Variants in ACOT7 observed in about 807,000 individuals in gnomAD.
The protein encoded by ACOT7 is cytosolic acyl coenzyme A thioester hydrolase.
A neutral mutation model predicts 40.2 loss-of-function variants in ACOT7; 12 were observed. The observed-to-expected ratio is 0.30, with a 90% confidence interval of 0.19 to 0.48. The LOEUF is 0.48. Among genes scored for constraint, ACOT7 ranks in the 20% least tolerant of loss-of-function variants. ACOT7 has a pLI of 0.99. For missense variants in ACOT7, 395 were observed against 530.8 expected, an observed-to-expected ratio of 0.74 and a Z score of 2.51; for synonymous variants, 228 against 219.5, an observed-to-expected ratio of 1.04 and a Z score of -0.34.
intron 2 of ACOT7, among the ~76,000 whole-genome samples, chr1:6,347,398 C>A (rs1298655204): frequency 6.6e-6 from 1 of 152,134 alleles, no homozygotes; most frequent in South Asian, 2.1e-4. Context: ...CATCTGCCTC[C>A]CCAGGTGGCC....
intron 8 of ACOT7, 47 bp downstream of exon 8, chr1:6,281,055 G>A: frequency 6.3e-7 from 1 of 1,589,522 alleles, no homozygotes; most frequent in African/African-American, 1.3e-5. Context: ...AGGGACCCTA[G>A]GGCTGCCTGG....
chr1:6,307,751 C>T (rs1196472170), intron 6 of ACOT7, among the ~76,000 whole-genome samples: 1 of 150,952 alleles, frequency 6.6e-6, no homozygotes, highest in Non-Finnish European at 1.5e-5. Context: ...CTGCAACAGG[C>T]GGAGGGAACT....
Position 6,289,136 on chromosome 1 carries a change from G to A in ACOT7, c.829+5728C>T, listed in dbSNP as rs34832893. The stretch of plus-strand genomic sequence containing the variant: ...TTTTTTTGAGACGGAGTCTCGCTCT[G>A]TCGCCCCGGCTGGAGTGCAGTGACA... On this transcript the variant is annotated intron_variant, in intron 7 of 8. Transcript: ENST00000361521. This position sits in a 1 kb window ranked among gnomAD's most constrained non-coding sequence, Gnocchi z 4.6. Among the ~76,000 whole-genome samples the A allele has an allele frequency of 0.079, 12,052 of 152,188 alleles. 535 individuals carry two copies. Among genetic ancestry groups the A allele is most frequent in the Non-Finnish European group, 0.11 (7,305 of 68,008 alleles).
intron 2 of ACOT7, among the ~76,000 whole-genome samples, chr1:6,341,754 T>TAAA (rs1557659356): frequency 0.011 from 1,710 of 151,834 alleles, 41 homozygotes; most frequent in African/African-American, 0.039. Flanking sequence ...AAAAAAAAAT[T>TAAA]TTTTTCAATG....
intron 6 of ACOT7, among the ~76,000 whole-genome samples, chr1:6,304,853 T>C (rs1016987788): frequency 7.1e-5 from 10 of 140,736 alleles, no homozygotes; most frequent in Non-Finnish European, 1.4e-4. Flanking sequence ...CTTTCCCCCC[T>C]TTCTATTCCA....
At chr1:6,363,278 T>G (rs1365517529) in intron 1 of ACOT7, among the ~76,000 whole-genome samples, 2 of 152,186 alleles carry the variant, frequency 1.3e-5, no homozygotes, top group Admixed American at 1.3e-4. Context: ...AAGACGCCCG[T>G]TGCCAGGCAG....
chr1:6,328,448 G>A (rs892630197), intron 4 of ACOT7, among the ~76,000 whole-genome samples: 14 of 152,038 alleles, frequency 9.2e-5, no homozygotes, highest in African/African-American at 3.4e-4. Context: ...ATCACTTGAG[G>A]TCAGGAGTTC....
chr1:6,368,359 C>T (rs764851977), intron 1 of ACOT7, among the ~76,000 whole-genome samples: 7 of 152,182 alleles, frequency 4.6e-5, no homozygotes, highest in South Asian at 2.1e-4. Context: ...GTGGCTGCAC[C>T]GCAGTCCAGG....
intron 1 of ACOT7, among the ~76,000 whole-genome samples, chr1:6,365,763 A>G (rs947128041): frequency 3.9e-4 from 6 of 15,264 alleles, no homozygotes; most frequent in Non-Finnish European, 5.5e-4. Context: ...GCAAGACCCC[A>G]TCTCAAAAAA....
chr1:6,351,368 G>A (rs1462963604), intron 1 of ACOT7, among the ~76,000 whole-genome samples: 1 of 152,208 alleles, frequency 6.6e-6, no homozygotes, highest in Admixed American at 6.5e-5. Context: ...AACCTCATTT[G>A]GCTTCTCAAG....
At chr1:6,367,352 G>C (rs1175466979) in intron 1 of ACOT7, among the ~76,000 whole-genome samples, 11 of 152,178 alleles carry the variant, frequency 7.2e-5, no homozygotes. Context: ...CTTTGCCTAA[G>C]TTTTGCTGGG....
At chr1:6,389,251 G>A (rs1006145188) in intron 1 of ACOT7, among the ~76,000 whole-genome samples, 1 of 151,986 alleles carries the variant, frequency 6.6e-6, no homozygotes, top group Admixed American at 6.6e-5. Flanking sequence ...TGGTAGATCT[G>A]CATCTAAGAG....
intron 1 of ACOT7, among the ~76,000 whole-genome samples, chr1:6,375,192 G>A (rs1237714977): frequency 6.6e-6 from 1 of 151,130 alleles, no homozygotes; most frequent in Non-Finnish European, 1.5e-5. Context: ...GAACCCAGGA[G>A]GCGGAGCTTG....
chr1:6,305,687 C>G (rs1187529390), intron 6 of ACOT7, among the ~76,000 whole-genome samples: 2 of 151,158 alleles, frequency 1.3e-5, no homozygotes, highest in African/African-American at 2.4e-5. Flanking sequence ...CGGGCAGAGA[C>G]GCTCCTCACT....
At chr1:6,350,530 C>T (rs1377752318) in intron 1 of ACOT7, among the ~76,000 whole-genome samples, 4 of 152,356 alleles carry the variant, frequency 2.6e-5, no homozygotes, top group Non-Finnish European at 5.9e-5. Context: ...CGTGAGCAGC[C>T]GGTAGTGTGG....
Position 6,281,184 on chromosome 1 carries a change from T to C in ACOT7, c.932A>G (p.Lys311Arg), listed in dbSNP as rs1293458501. 2 of 1,614,006 alleles carry C rather than the reference T, an allele frequency of 1.2e-6. No homozygotes were observed. The highest frequency in any genetic ancestry group is 1.7e-6 in the Non-Finnish European group (2 of 1,180,038). Residue 311 changes from lysine (K) to arginine (R), a missense_variant, in exon 8 of 9, where the codon AAG (lysine) becomes AGG (arginine). Around this residue, in one of 2 missense-constraint regions of ACOT7, gnomAD observed 309 missense variants for 470.3 expected, o/e 0.66. Coordinates refer to ENST00000361521, the MANE Select transcript of ACOT7 (RefSeq NM_007274.4). ...DADPVVDSSQ[K>R]RYRAASAFFT... ...GAAGGCACTGGCGGCCCGGTAGCGC[T>C]TCTGAGAGCTGTCCACAACAGGGTC...
intron 8 of ACOT7, among the ~76,000 whole-genome samples, chr1:6,276,180 G>A (rs1047722552): frequency 1.3e-5 from 2 of 152,140 alleles, no homozygotes; most frequent in African/African-American, 4.8e-5. Context: ...CAATGCCCAC[G>A]CCTGCAAGAA....
chr1:6,388,026 C>T (rs1484998137), intron 1 of ACOT7, among the ~76,000 whole-genome samples: 2 of 151,496 alleles, frequency 1.3e-5, no homozygotes, highest in African/African-American at 2.4e-5. Context: ...CTGCAACCTC[C>T]GCCTCCCAGG....
chr1:6,350,670 G>C (rs1641565785), intron 1 of ACOT7, among the ~76,000 whole-genome samples: 1 of 152,256 alleles, frequency 6.6e-6, no homozygotes. Context: ...CTGGAGACGA[G>C]TGACAGGCAG....
Sources: allele counts gnomAD v4.1 joint callset (sites outside exome capture counted in the v4.1 genomes callset), GRCh38; gene constraint gnomAD v4.1.1; regional missense constraint gnomAD v4.1.1; non-coding constraint Gnocchi (gnomAD v3.1); transcripts MANE v1.5; gene names NCBI Gene and HGNC (gene_info 2026-07-23, HGNC 2026-07-21).